SERPINB7: variants seen among roughly 807,000 people sequenced by gnomAD.
The protein encoded by SERPINB7 is serpin B7.
In SERPINB7, 31 loss-of-function variants were observed where a neutral mutation model predicts 37.4. The observed-to-expected ratio is 0.83, with a 90% confidence interval of 0.62 to 1.12. The LOEUF is 1.12. Ranked by LOEUF, SERPINB7 falls within the 50% of genes most tolerant of loss-of-function variation. The pLI is 0.00. For synonymous variants in SERPINB7, 163 were observed against 166.1 expected (o/e 0.98, Z 0.14); for missense variants, 521 against 455.3 (o/e 1.14, Z -1.31).
chr18:63,772,979 G>C (rs758922416), upstream of SERPINB7, among the ~76,000 whole-genome samples: 6 of 152,120 alleles, frequency 3.9e-5, no homozygotes, highest in Non-Finnish European at 8.8e-5. Flanking sequence ...AAAAGTAAAA[G>C]AGAATCAGAA....
At chr18:63,777,066 A>C (rs777336314) in intron 1 of SERPINB7, among the ~76,000 whole-genome samples, 1 of 152,098 alleles carries the variant, frequency 6.6e-6, no homozygotes. Context: ...GTGTAAGATA[A>C]AGTCAGAAAC....
chr18:63,802,782 A>G (rs2049563859), intron 7 of SERPINB7, among the ~76,000 whole-genome samples: 1 of 152,214 alleles, frequency 6.6e-6, no homozygotes, highest in Non-Finnish European at 1.5e-5. Context: ...TAAAAACATG[A>G]CTTTAAAGCT....
chr18:63,756,197 G>GT (rs1010405681), intron 1 of SERPINB7, among the ~76,000 whole-genome samples: 1 of 151,998 alleles, frequency 6.6e-6, no homozygotes, highest in Non-Finnish European at 1.5e-5. Flanking sequence ...ATGTGCACAG[G>GT]TATTAACTAA....
At chr18:63,802,464 A>G (rs186234370) in intron 7 of SERPINB7, among the ~76,000 whole-genome samples, 1 of 152,254 alleles carries the variant, frequency 6.6e-6, no homozygotes, top group Admixed American at 6.5e-5. Context: ...ATCCCAGGCC[A>G]TGTGCTCTGA....
In SERPINB7 at chr18:63,804,466, C is replaced by T. The variant is rs1429139856; in HGVS notation, c.974C>T (p.Ser325Phe). ...TATATATCAAGGATGATGCACAAAT[C>T]TTACATAGAGGTCACTGAGGAGGGC... ...RLYISRMMHK[S>F]YIEVTEEGTE... The change falls in exon 8 of 8, where the codon TCT (serine) becomes TTT (phenylalanine). Residue 325 changes from serine (S) to phenylalanine (F), a missense_variant. Transcript: ENST00000398019. The T allele has an allele frequency of 1.2e-6, 2 of 1,613,776 alleles. No homozygotes were observed. Among genetic ancestry groups the T allele is most frequent in the South Asian group, 1.1e-5 (1 of 91,074 alleles).
intron 1 of SERPINB7, among the ~76,000 whole-genome samples, chr18:63,781,469 T>C (rs11873703): frequency 0.071 from 10,758 of 152,286 alleles, 743 homozygotes; most frequent in African/African-American, 0.17. Flanking sequence ...TGTAATATCA[T>C]TGGACATTCA....
chr18:63,803,770 C>T (rs757446330), intron 7 of SERPINB7, among the ~76,000 whole-genome samples: 1 of 152,202 alleles, frequency 6.6e-6, no homozygotes, highest in Admixed American at 6.5e-5. Context: ...GAGCTCTGGC[C>T]TCCTTGCCTC....
At chr18:63,753,515 T>C (rs2049103921) in intron 1 of SERPINB7, among the ~76,000 whole-genome samples, 1 of 152,238 alleles carries the variant, frequency 6.6e-6, no homozygotes, top group Non-Finnish European at 1.5e-5. Context: ...ACTACCTGTG[T>C]CTGGGCTTTC....
upstream of SERPINB7, among the ~76,000 whole-genome samples, chr18:63,772,407 A>C (rs889343773): frequency 4.6e-5 from 7 of 152,078 alleles, no homozygotes; most frequent in Non-Finnish European, 1.0e-4. Flanking sequence ...TTTAAAGGAT[A>C]AGAAAATAGA....
chr18:63,782,455 T>C lies in SERPINB7; in HGVS notation c.83T>C (p.Val28Ala), dbSNP rs2049310592. Residue 28 changes from valine (V) to alanine (A), a missense_variant, in exon 2 of 8, where the codon GTG becomes GCG. Transcript: ENST00000398019. Reference sequence around the variant, plus strand: ...GATGACAATCAAGGAAATGGAAATGTGTTCTTTTCCTCTCTGAGCCTCTTC... The same window carrying C: ...GATGACAATCAAGGAAATGGAAATGCGTTCTTTTCCTCTCTGAGCCTCTTC... ...EMDDNQGNGNVFFSSLSLFAA... is the reference protein window; with the variant it reads ...EMDDNQGNGNAFFSSLSLFAA... The C allele has an allele frequency of 1.2e-6, 2 of 1,613,986 alleles. No homozygotes were observed. Among genetic ancestry groups the C allele is most frequent in the Non-Finnish European group, 1.7e-6 (2 of 1,179,938 alleles).
upstream of SERPINB7, among the ~76,000 whole-genome samples, chr18:63,771,461 A>G (rs1215688027): frequency 2.0e-5 from 3 of 152,132 alleles, no homozygotes; most frequent in African/African-American, 7.2e-5. Context: ...CCACAATAAG[A>G]TAAACTTTTA....
In SERPINB7 at chr18:63,804,789, C is replaced by A; in HGVS notation, c.*154C>A. ...AGATGACACTGGTGACTTGACCCTT[C>A]CTAGACACCTGGTTGATTGTCCTGA... On this transcript the variant is annotated 3_prime_UTR_variant, in exon 8 of 8. Coordinates refer to ENST00000398019, the MANE Select transcript of SERPINB7 (RefSeq NM_003784.4). The A allele has an allele frequency of 1.5e-6, 1 of 681,630 alleles. No homozygotes were observed. The highest frequency in any genetic ancestry group is 2.0e-5 in the South Asian group (1 of 50,830). 42.2% of individuals were successfully genotyped at this position (681,630 alleles called of 1,614,324 possible). A position where few individuals can be genotyped will look rare whatever the true frequency, so the allele number is the denominator to read the frequency against.
At position 63,803,889 on chromosome 18, in the gene SERPINB7, G is replaced by A. The variant is rs186806758; in HGVS notation, c.745-348G>A. Among the ~76,000 whole-genome samples the A allele has an allele frequency of 8.9e-4, 135 of 152,196 alleles. 1 individual carries two copies. In the Middle Eastern group the frequency reaches 0.01, roughly 12 times the overall value. On this transcript the variant is annotated intron_variant, in intron 7 of 7. Coordinates refer to ENST00000398019, the MANE Select transcript of SERPINB7 (RefSeq NM_003784.4). ...GGAAATATTGATTTAAATGACCACT[G>A]GGCTCCTTTCTCCCTCTAATGGTCT...
At chr18:63,769,894 G>T (rs2049200660) in intron 1 of SERPINB7, among the ~76,000 whole-genome samples, 1 of 151,750 alleles carries the variant, frequency 6.6e-6, no homozygotes, top group South Asian at 2.1e-4. Context: ...AGGGGAAGGG[G>T]TGCTACACTT....
At chr18:63,763,132 G>T (rs1226149918) in intron 1 of SERPINB7, among the ~76,000 whole-genome samples, 2 of 152,084 alleles carry the variant, frequency 1.3e-5, no homozygotes, top group Admixed American at 6.5e-5. Flanking sequence ...CTGAGATTGG[G>T]CACCATTGCT....
chr18:63,786,810 G>T (rs1003055891), intron 2 of SERPINB7, among the ~76,000 whole-genome samples: 2 of 152,108 alleles, frequency 1.3e-5, no homozygotes, highest in Non-Finnish European at 2.9e-5. Flanking sequence ...AAACACCAAA[G>T]AATTAGATAA....
At chr18:63,794,451 G>C (rs563127169) in intron 4 of SERPINB7, among the ~76,000 whole-genome samples, 49 of 152,198 alleles carry the variant, frequency 3.2e-4, no homozygotes, top group Admixed American at 2.3e-3. Flanking sequence ...AGCACTTTGG[G>C]AGGCCGAGGC....
intron 1 of SERPINB7, 30 bp from the exon 2 acceptor site, chr18:63,782,325 A>C (rs781283159): frequency 1.5e-6 from 2 of 1,294,690 alleles, no homozygotes; most frequent in South Asian, 2.1e-5. Context: ...ATGTACCGGG[A>C]ACTAATTTCA....
In SERPINB7 at chr18:63,764,755, AGAG is replaced by A. The variant is rs1196569758; in HGVS notation, c.-19+11636_-19+11638del. ...TGGGTATCACACATCTTTTGGGAAAAGAGAGCTTAAAGAAATAATAGTGGTATA... is the reference window on the plus strand; with the variant it reads ...TGGGTATCACACATCTTTTGGGAAAAAGCTTAAAGAAATAATAGTGGTATA... On this transcript the variant is annotated intron_variant, in intron 1 of 7. Coordinates refer to the SERPINB7 transcript ENST00000336429. Among the ~76,000 whole-genome samples, 5 of 152,178 alleles carry A rather than the reference AGAG, an allele frequency of 3.3e-5. No individual in the cohort carries two copies. In the East Asian group the frequency reaches 9.6e-4, roughly 29 times the overall value.
Sources: allele counts gnomAD v4.1 joint callset (sites outside exome capture counted in the v4.1 genomes callset), GRCh38; gene constraint gnomAD v4.1.1; transcripts MANE v1.5; gene names NCBI Gene and HGNC (gene_info 2026-07-23, HGNC 2026-07-21).